Variants in ANKRD28 observed in about 807,000 individuals in gnomAD.
ANKRD28 encodes ankyrin repeat domain 28, also known as serine/threonine-protein phosphatase 6 regulatory ankyrin repeat subunit A.
Under a neutral mutation model 126.5 loss-of-function variants are expected in ANKRD28, and 44 were observed. That is an observed-to-expected ratio of 0.35 (90% CI 0.27 to 0.45). The LOEUF (loss-of-function observed/expected upper bound fraction) is 0.45. ANKRD28 is among the 20% of genes least tolerant of loss of function. The pLI is 1.00. For synonymous variants in ANKRD28, 442 were observed against 468.5 expected (o/e 0.94, Z 0.73); for missense variants, 1,110 against 1,316.6 (o/e 0.84, Z 2.43).
At chr3:15,851,982 C>T (rs544616994) in intron 1 of ANKRD28, among the ~76,000 whole-genome samples, 7 of 152,084 alleles carry the variant, frequency 4.6e-5, no homozygotes, top group Non-Finnish European at 7.4e-5. Flanking sequence ...AGTGGATGAA[C>T]CCTGAAAACA....
chr3:15,831,384 C>T lies in ANKRD28; in HGVS notation c.27+27993G>A, dbSNP rs115877395. On this transcript the variant is annotated intron_variant, in intron 1 of 27. Transcript: ENST00000399451. Reference sequence around the variant, plus strand: ...CTCCACATAACTACCAGCCCCTTCTCCAAGCAGCTTGTTTTAGAGCAGGGA... The same window carrying T: ...CTCCACATAACTACCAGCCCCTTCTTCAAGCAGCTTGTTTTAGAGCAGGGA... 5.6e-3 allele frequency among the ~76,000 whole-genome samples: 857 copies of T among 152,306 alleles called. 6 individuals are homozygous for T. Among genetic ancestry groups the T allele is most frequent in the African/African-American group, 0.02 (817 of 41,560 alleles).
intron 6 of ANKRD28, among the ~76,000 whole-genome samples, chr3:15,727,219 A>C (rs1649581909): frequency 6.6e-6 from 1 of 152,176 alleles, no homozygotes; most frequent in Non-Finnish European, 1.5e-5. Context: ...AGCTGCCATA[A>C]ATAGTGATTC....
At chr3:15,705,198 C>T (rs1049223754) in intron 14 of ANKRD28, among the ~76,000 whole-genome samples, 5 of 152,072 alleles carry the variant, frequency 3.3e-5, no homozygotes, top group African/African-American at 4.8e-5. Flanking sequence ...TGCTCAAAAC[C>T]GTTTATATTC....
At chr3:15,684,126 G>C (rs1256166947) in intron 21 of ANKRD28, 1 of 152,158 alleles carries the variant, frequency 6.6e-6, no homozygotes, top group Admixed American at 6.5e-5. Flanking sequence ...CTTGAACTTT[G>C]ACAACACTGA....
intron 27 of ANKRD28, among the ~76,000 whole-genome samples, chr3:15,675,126 C>A (rs1219795431): frequency 6.6e-6 from 1 of 152,088 alleles, no homozygotes; most frequent in Non-Finnish European, 1.5e-5. Context: ...AAAATTTAGC[C>A]AGGCGTCGTG....
At chr3:15,791,336 G>T (rs909173427) in intron 2 of ANKRD28, among the ~76,000 whole-genome samples, 1 of 151,378 alleles carries the variant, frequency 6.6e-6, no homozygotes, top group African/African-American at 2.4e-5. Flanking sequence ...AACAAAACTG[G>T]TGGAATCCCA....
At chr3:15,784,597 G>A (rs2059687347) in intron 2 of ANKRD28, among the ~76,000 whole-genome samples, 1 of 48,478 alleles carries the variant, frequency 2.1e-5, no homozygotes. Context: ...GAAGAAGAAT[G>A]GACGACCAAT....
chr3:15,715,947 T>G (rs2072958804), intron 8 of ANKRD28, among the ~76,000 whole-genome samples: 1 of 151,936 alleles, frequency 6.6e-6, no homozygotes, highest in South Asian at 2.1e-4. Flanking sequence ...ATAGGATATA[T>G]CCTAATTTTT....
At chr3:15,769,733 A>T (rs138164297) in intron 2 of ANKRD28, among the ~76,000 whole-genome samples, 120 of 152,330 alleles carry the variant, frequency 7.9e-4, no homozygotes, top group African/African-American at 2.8e-3. Flanking sequence ...ATGTTTATCA[A>T]GGGTAAGCTG....
intron 1 of ANKRD28, among the ~76,000 whole-genome samples, chr3:15,842,579 G>A (rs897032369): frequency 1.3e-5 from 2 of 152,076 alleles, no homozygotes; most frequent in Non-Finnish European, 1.5e-5. Context: ...TAACAAAAGA[G>A]CATAACTGGG....
chr3:15,680,677 AT>A (rs1052951928), intron 21 of ANKRD28, among the ~76,000 whole-genome samples: 9 of 152,056 alleles, frequency 5.9e-5, no homozygotes, highest in Admixed American at 1.3e-4. Flanking sequence ...TATTAAAACA[AT>A]TTTTTGAGAC....
At chr3:15,696,718 A>G (rs977369055) in intron 14 of ANKRD28, among the ~76,000 whole-genome samples, 3 of 152,212 alleles carry the variant, frequency 2.0e-5, no homozygotes, top group African/African-American at 7.2e-5. Flanking sequence ...GTCAGAACTC[A>G]ATGAATCTGA....
At chr3:15,850,202 A>ATATATATATATATATATATATATATAT (rs1455598240) in intron 1 of ANKRD28, among the ~76,000 whole-genome samples, 1 of 55,116 alleles carries the variant, frequency 1.8e-5, no homozygotes, top group East Asian at 3.9e-4. Context: ...AAAAAAAAAA[A>ATATATATATATATATATATATATATAT]AAATATATAT....
exon 1 of ANKRD28, chr3:15,859,453 G>T: frequency 1.4e-6 from 2 of 1,462,948 alleles, no homozygotes; most frequent in South Asian, 1.2e-5. Context: ...CGCCGCTGCC[G>T]CTGCCGCCGC....
chr3:15,742,217 G>GC (rs1167073274), intron 4 of ANKRD28, among the ~76,000 whole-genome samples: 3 of 150,700 alleles, frequency 2.0e-5, no homozygotes. Context: ...GACGTGAGGA[G>GC]CCCCTCTGCC....
At chr3:15,774,033 G>A (rs954232081) in intron 2 of ANKRD28, among the ~76,000 whole-genome samples, 2 of 152,126 alleles carry the variant, frequency 1.3e-5, no homozygotes, top group Admixed American at 6.5e-5. Context: ...TTTGACTAAA[G>A]TACAAAGGCA....
chr3:15,672,995 C>T (rs934477128), intron 27 of ANKRD28, among the ~76,000 whole-genome samples: 6 of 145,710 alleles, frequency 4.1e-5, no homozygotes, highest in Non-Finnish European at 7.5e-5. Context: ...GGGCTGGTCT[C>T]GAACTCCTGA....
chr3:15,677,001 A>G lies in ANKRD28; in HGVS notation c.2846T>C (p.Ile949Thr), dbSNP rs2067004864. 6.2e-7 allele frequency: 1 copy of G among 1,613,206 alleles called. No individual in the cohort carries two copies. The highest frequency in any genetic ancestry group is 2.2e-5 in the East Asian group (1 of 44,828). The change falls in exon 26 of 28, where the codon ATC becomes ACC. Residue 949 changes from isoleucine (I) to threonine (T), a missense_variant. Physicochemically the swap from Ile to Thr is moderately conservative, Grantham distance 89 (BLOSUM62 -1). Coordinates refer to ENST00000683139, the MANE Select transcript of ANKRD28 (RefSeq NM_001349278.2). ...ILEKITDRNL[I>T]NATNAALQTP... ...TTGCAAGGCTGCGTTGGTTGCATTG[A>G]TGAGGTTTCTATCTGTTATCTTTTC...
chr3:15,685,576 T>A, intron 20 of ANKRD28, 131 bp from the exon 21 acceptor site: 1 of 808,084 alleles, frequency 1.2e-6, no homozygotes, highest in Non-Finnish European at 1.9e-6. Flanking sequence ...TATCATTTTA[T>A]GAGTAATTCT....
Sources: allele counts gnomAD v4.1 joint callset (sites outside exome capture counted in the v4.1 genomes callset), GRCh38; gene constraint gnomAD v4.1.1; transcripts MANE v1.5; gene names NCBI Gene and HGNC (gene_info 2026-07-23, HGNC 2026-07-21).